Variants in HNRNPL observed in about 807,000 individuals in gnomAD.
The protein encoded by HNRNPL is heterogeneous nuclear ribonucleoprotein L.
Under a neutral mutation model 64.0 loss-of-function variants are expected in HNRNPL, and 12 were observed. That is an observed-to-expected ratio of 0.19 (90% CI 0.12 to 0.30). The LOEUF (loss-of-function observed/expected upper bound fraction) is 0.30. Among genes scored for constraint, HNRNPL ranks in the 10% least tolerant of loss-of-function variants. The pLI is 1.00. For synonymous variants in HNRNPL, 385 were observed against 313.0 expected, an observed-to-expected ratio of 1.23 and a Z score of -2.43; for missense variants, 484 against 797.4, an observed-to-expected ratio of 0.61 and a Z score of 4.73.
Position 38,847,418 on chromosome 19 carries a change from G to T in HNRNPL, c.284C>A (p.Pro95Gln). 6.6e-7 allele frequency: 1 copy of T among 1,526,680 alleles called. No homozygotes were observed. Among genetic ancestry groups the T allele is most frequent in the Non-Finnish European group, 8.8e-7 (1 of 1,137,202 alleles). The allele number at this position is 1,526,680 out of a possible 1,614,324, so 94.6% of individuals were successfully genotyped here. ...GGGGGENYDDPHKTPASPVVH... is the reference protein window; with the variant it reads ...GGGGGENYDDQHKTPASPVVH... ...AACTGGGGAGGCAGGGGTTTTGTGCGGGTCATCGTAGTTCTCCTGAGAAAG... is the reference window on the plus strand; with the variant it reads ...AACTGGGGAGGCAGGGGTTTTGTGCTGGTCATCGTAGTTCTCCTGAGAAAG... The change falls in exon 2 of 13, where the codon CCG (proline) becomes CAG (glutamine). Residue 95 changes from proline (P) to glutamine (Q), a missense_variant. Transcript: ENST00000221419.
intron 4 of HNRNPL, chr19:38,844,905 CA>C (rs1972239270): frequency 6.6e-6 from 1 of 152,048 alleles, no homozygotes; most frequent in African/African-American, 2.4e-5. Flanking sequence ...GACAGGGTTT[CA>C]CCACGTTGGC....
In HNRNPL at chr19:38,840,378, TG is replaced by T. The variant is rs1442752291; in HGVS notation, c.953-3del. ...TGTGGTACCCACCGTGGGGCCCTCC[TG>T]GGGGGTGGGAAGGAAAGAGAGGGAG... On this transcript the variant is annotated splice_region_variant and splice_polypyrimidine_tract_variant and intron_variant, in intron 7 of 12. Transcript: ENST00000221419. The T allele has an allele frequency of 7.1e-6, 11 of 1,541,446 alleles. No homozygotes were observed. Among genetic ancestry groups the T allele is most frequent in the Non-Finnish European group, 8.7e-6 (10 of 1,142,954 alleles).
chr19:38,836,738 G>A lies in HNRNPL; in HGVS notation c.1754C>T (p.Ala585Val). The A allele has an allele frequency of 6.2e-7, 1 of 1,612,538 alleles. No individual in the cohort carries two copies. Among genetic ancestry groups the A allele is most frequent in the Non-Finnish European group, 8.5e-7 (1 of 1,178,990 alleles). The change falls in exon 13 of 13, where the codon GCT (alanine) becomes GTT (valine). Residue 585 changes from alanine to valine, a missense_variant. Ala to Val is a moderately conservative substitution (Grantham distance 64). This residue lies in a region of HNRNPL where 69 missense variants were observed against 91.8 expected (regional missense o/e 0.75). Coordinates refer to ENST00000221419, the MANE Select transcript of HNRNPL (RefSeq NM_001533.3). ...PYTLKLCFST[A>V]QHAS ...GGCACCTAATTAGGAGGCGTGCTGA[G>A]CAGTGGAGAAACACAACTTCAGAGT...
intron 1 of HNRNPL, chr19:38,847,644 G>C (rs1336863658): frequency 2.9e-6 from 1 of 339,482 alleles, no homozygotes; most frequent in African/African-American, 2.1e-5. Flanking sequence ...GTGATCACTT[G>C]CCCACTGGCT....
chr19:38,843,998 C>G lies in HNRNPL; in HGVS notation c.807+10G>C, dbSNP rs767243516. On this transcript the variant is annotated intron_variant, in intron 5 of 12. Coordinates refer to ENST00000221419, the MANE Select transcript of HNRNPL (RefSeq NM_001533.3). ...CTGACAAGGGGCAGTCAGTCACCTC[C>G]CAGATGTACCTTTGCGTATTCGATC... The G allele has an allele frequency of 9.3e-6, 15 of 1,611,596 alleles. 1 individual carries two copies. In the Admixed American group the frequency reaches 2.5e-4, roughly 27 times the overall value.
At chr19:38,852,203 A>G (rs1019939924), upstream of HNRNPL, 1 of 30,298 alleles carries the variant, frequency 3.3e-5, no homozygotes, top group African/African-American at 1.2e-4. Flanking sequence ...CCCCGCCCCC[A>G]CCCCGCTGCT....
At chr19:38,841,630 G>T in intron 6 of HNRNPL, 1 of 1,281,066 alleles carries the variant, frequency 7.8e-7, no homozygotes, top group Non-Finnish European at 1.0e-6. Context: ...CGCTTCAACA[G>T]TGAGTTAGCA....
chr19:38,846,036 C>T lies in HNRNPL; in HGVS notation c.441G>A (p.Val147=), dbSNP rs763264064. The T allele has an allele frequency of 3.1e-6, 5 of 1,614,202 alleles. No individual in the cohort carries two copies. In the South Asian group the frequency reaches 4.4e-5, roughly 14 times the overall value. The change falls in exon 3 of 13, where the codon GTG becomes GTA. Residue 147 remains valine (V), a synonymous_variant. Transcript: ENST00000221419. ...AGTTCACTGCGTTGCAAGCCCCCAA[C>T]ACATCTTCAAACTCCACCAGTGCTT... is the stretch of plus-strand genomic sequence containing the variant. The part of the protein sequence containing the change: ...KRQALVEFED[V]LGACNAVNYA...
At chr19:38,843,942 G>C in intron 5 of HNRNPL, 28 bp from the exon 6 acceptor site, 2 of 1,612,520 alleles carry the variant, frequency 1.2e-6, no homozygotes, top group Non-Finnish European at 1.7e-6. Context: ...GACAAGACTT[G>C]AGGTCAGCCA....
intron 1 of HNRNPL, among the ~76,000 whole-genome samples, chr19:38,847,811 G>A (rs1417397711): frequency 2.0e-5 from 3 of 152,200 alleles, no homozygotes; most frequent in African/African-American, 7.2e-5. Context: ...TGGCAGCAAG[G>A]GCTCTAACAG....
intron 12 of HNRNPL, 172 bp downstream of exon 12, chr19:38,837,212 C>G (rs1971957683): frequency 1.6e-6 from 1 of 619,936 alleles, no homozygotes; most frequent in South Asian, 1.9e-5. Context: ...GGCTGGCTCT[C>G]CCAAGAGGAG....
At chr19:38,849,373 A>G in intron 1 of HNRNPL, 2 of 260,088 alleles carry the variant, frequency 7.7e-6, no homozygotes, top group Non-Finnish European at 1.5e-5. Flanking sequence ...GAGCCAGCGA[A>G]GAAAATGATA....
Position 38,840,541 on chromosome 19 carries a change from G to A in HNRNPL, c.899C>T (p.Pro300Leu), listed in dbSNP as rs1972082269. Residue 300 changes from proline (P) to leucine (L), a missense_variant, in exon 7 of 13, where the codon CCC becomes CTC. Pro to Leu is a moderately conservative substitution (Grantham distance 98). Around this residue, in one of 9 missense-constraint regions of HNRNPL, gnomAD observed 60 missense variants for 192.2 expected, o/e 0.31. Transcript: ENST00000221419. ...LSGQGDPGSN[P>L]NKRQRQPPLL... Reference sequence around the variant, plus strand: ...AGGGGGCTGCCTCTGGCGTTTGTTGGGGTTGCTGCCAGGGTCACCTGTGGA... The same window carrying A: ...AGGGGGCTGCCTCTGGCGTTTGTTGAGGTTGCTGCCAGGGTCACCTGTGGA... 6.3e-7 allele frequency: 1 copy of A among 1,590,330 alleles called. No homozygotes were observed. Among genetic ancestry groups the A allele is most frequent in the Non-Finnish European group, 8.6e-7 (1 of 1,169,278 alleles).
chr19:38,850,423 T>C (rs988576349), upstream of HNRNPL: 1 of 160,866 alleles, frequency 6.2e-6, no homozygotes. Context: ...TTGGTCTCTC[T>C]CCAGTGGTGG....
At position 38,847,417 on chromosome 19, in the gene HNRNPL, C is replaced by T. The variant is rs1313405735; in HGVS notation, c.285G>A (p.Pro95=). The T allele has an allele frequency of 1.0e-5, 16 of 1,532,344 alleles. No individual in the cohort carries two copies. Among genetic ancestry groups the T allele is most frequent in the Middle Eastern group, 1.7e-4 (1 of 5,796 alleles). The allele number at this position is 1,532,344 out of a possible 1,614,324, so 94.9% of individuals were successfully genotyped here. ...CAACTGGGGAGGCAGGGGTTTTGTG[C>T]GGGTCATCGTAGTTCTCCTGAGAAA... The part of the protein sequence containing the change: ...GGGGGENYDD[P]HKTPASPVVH... Residue 95 remains proline (P), a synonymous_variant, in exon 2 of 13, where the codon CCG becomes CCA. Coordinates refer to ENST00000221419, the MANE Select transcript of HNRNPL (RefSeq NM_001533.3).
chr19:38,842,073 GTTTTTTTGA>G (rs1180269976), intron 6 of HNRNPL: 1 of 117,344 alleles, frequency 8.5e-6, no homozygotes, highest in Non-Finnish European at 2.1e-5. Flanking sequence ...GTCTGTTTTG[GTTTTTTTGA>G]TTTTTTTTTT....
chr19:38,842,094 T>C (rs1972136204), intron 6 of HNRNPL: 1 of 146,708 alleles, frequency 6.8e-6, no homozygotes, highest in Non-Finnish European at 1.5e-5. Flanking sequence ...TTTTTTTTTG[T>C]TGTGGTTAAA....
chr19:38,850,059 C>A (rs907783602), upstream of HNRNPL: 3 of 1,097,496 alleles, frequency 2.7e-6, no homozygotes, highest in Non-Finnish European at 3.6e-6. Flanking sequence ...GCCACTGGTC[C>A]CGCCGCGGGG....
chr19:38,846,598 C>G (rs1007917966), intron 2 of HNRNPL, among the ~76,000 whole-genome samples: 22 of 152,242 alleles, frequency 1.4e-4, no homozygotes, highest in Admixed American at 1.3e-3. Context: ...ATGGCAAAAC[C>G]TCACCTCTAC....
Sources: allele counts gnomAD v4.1 joint callset (sites outside exome capture counted in the v4.1 genomes callset), GRCh38; gene constraint gnomAD v4.1.1; regional missense constraint gnomAD v4.1.1; transcripts MANE v1.5; gene names NCBI Gene and HGNC (gene_info 2026-07-23, HGNC 2026-07-21).